POU2F1: variants seen among roughly 807,000 people sequenced by gnomAD.
POU2F1 encodes the protein POU domain, class 2, transcription factor 1.
A neutral mutation model predicts 84.9 loss-of-function variants in POU2F1; 16 were observed. The ratio of observed to expected loss-of-function variants is 0.19; its 90% CI spans 0.13 to 0.29. POU2F1 has a LOEUF of 0.29. Among genes scored for constraint, POU2F1 ranks in the 10% least tolerant of loss-of-function variants. POU2F1 has a pLI of 1.00. For missense variants in POU2F1, 738 were observed against 942.6 expected, an observed-to-expected ratio of 0.78 and a Z score of 2.84; for synonymous variants, 368 against 368.3, an observed-to-expected ratio of 1.00 and a Z score of 0.01.
chr1:167,353,569 T>G (rs867731888), intron 2 of POU2F1, among the ~76,000 whole-genome samples: 17 of 152,274 alleles, frequency 1.1e-4, no homozygotes, highest in Admixed American at 4.6e-4. Flanking sequence ...TCTGCCCCTT[T>G]GAATTATCAT....
At chr1:167,325,688 G>A (rs1480028216) in intron 1 of POU2F1, among the ~76,000 whole-genome samples, 13 of 151,984 alleles carry the variant, frequency 8.6e-5, no homozygotes, top group African/African-American at 2.2e-4. Context: ...TCAGGAGTTC[G>A]AGACCAGCCT....
Position 167,389,625 on chromosome 1 carries a change from T to C in POU2F1, c.851T>C (p.Ile284Thr). Residue 284 changes from isoleucine to threonine, a missense_variant, in exon 9 of 16, where the codon ATT (isoleucine) becomes ACT (threonine). Around this residue, in one of 4 missense-constraint regions of POU2F1, gnomAD observed 163 missense variants for 214.4 expected, o/e 0.76. Coordinates refer to ENST00000367866, the MANE Select transcript of POU2F1 (RefSeq NM_002697.4). Reference sequence around the variant, plus strand: ...ACACGCACAATAGCAGCAACCCCAATTCAGACACTTCCACAGAGCCAGTCA... The same window carrying C: ...ACACGCACAATAGCAGCAACCCCAACTCAGACACTTCCACAGAGCCAGTCA... The part of the protein sequence containing the change: ...TPTRTIAATP[I>T]QTLPQSQSTP... 7 of 1,614,178 alleles carry C rather than the reference T, an allele frequency of 4.3e-6. No homozygotes were observed. Among genetic ancestry groups the C allele is most frequent in the South Asian group, 2.2e-5 (2 of 91,076 alleles).
chr1:167,260,030 C>A (rs1651438031), intron 1 of POU2F1, among the ~76,000 whole-genome samples: 1 of 152,130 alleles, frequency 6.6e-6, no homozygotes, highest in Admixed American at 6.5e-5. Context: ...AGGCACCCGC[C>A]ACCACGCCCG....
intron 1 of POU2F1, among the ~76,000 whole-genome samples, chr1:167,295,862 T>G (rs1437276387): frequency 6.6e-6 from 1 of 152,168 alleles, no homozygotes; most frequent in Non-Finnish European, 1.5e-5. Flanking sequence ...TTGTTGTAAT[T>G]GCAGGATGAG....
intron 1 of POU2F1, among the ~76,000 whole-genome samples, chr1:167,288,706 A>C (rs1433071490): frequency 1.3e-5 from 2 of 152,184 alleles, no homozygotes; most frequent in Admixed American, 6.5e-5. Flanking sequence ...AACAACAAAA[A>C]AACAAAGATT....
intron 7 of POU2F1, among the ~76,000 whole-genome samples, chr1:167,377,464 GTAGTCCCAGCTAC>G (rs1398721714): frequency 7.2e-5 from 11 of 152,168 alleles, no homozygotes; most frequent in African/African-American, 2.7e-4. Flanking sequence ...GCAGGCGCCT[GTAGTCCCAGCTAC>G]TCAGGAGGCT....
At chr1:167,228,830 A>C (rs1010202012) in intron 1 of POU2F1, among the ~76,000 whole-genome samples, 1 of 152,220 alleles carries the variant, frequency 6.6e-6, no homozygotes, top group Non-Finnish European at 1.5e-5. Flanking sequence ...AAATAATATT[A>C]CCATAACCAT....
chr1:167,410,823 AC>A (rs1280611750), intron 13 of POU2F1, among the ~76,000 whole-genome samples: 1 of 152,112 alleles, frequency 6.6e-6, no homozygotes, highest in Non-Finnish European at 1.5e-5. Flanking sequence ...GCCTTGTCTT[AC>A]CATTTTCAGT....
intron 13 of POU2F1, among the ~76,000 whole-genome samples, chr1:167,403,218 A>G (rs889051749): frequency 1.1e-4 from 17 of 152,188 alleles, no homozygotes; most frequent in African/African-American, 4.1e-4. Flanking sequence ...AGGAAAAACA[A>G]TCACAAGTAC....
intron 1 of POU2F1, among the ~76,000 whole-genome samples, chr1:167,309,790 G>A (rs1435744083): frequency 6.6e-6 from 1 of 152,002 alleles, no homozygotes; most frequent in East Asian, 1.9e-4. Flanking sequence ...TACATTTAAG[G>A]TGTTAAAGAT....
At chr1:167,415,170 A>G (rs546692456) in intron 15 of POU2F1, among the ~76,000 whole-genome samples, 1 of 152,332 alleles carries the variant, frequency 6.6e-6, no homozygotes, top group South Asian at 2.1e-4. Context: ...AAATTATTGG[A>G]TTTATCAAAT....
chr1:167,322,237 T>C (rs1228956275), intron 1 of POU2F1, among the ~76,000 whole-genome samples: 1 of 152,232 alleles, frequency 6.6e-6, no homozygotes, highest in Non-Finnish European at 1.5e-5. Context: ...TCGTGTAGTT[T>C]CACTTTTCCC....
chr1:167,342,916 T>C (rs1020491053), intron 2 of POU2F1, among the ~76,000 whole-genome samples: 2 of 152,154 alleles, frequency 1.3e-5, no homozygotes, highest in African/African-American at 2.4e-5. Context: ...TTTTAATTAG[T>C]GGGTCATTGA....
Position 167,418,837 on chromosome 1 carries a change from G to A in POU2F1, c.*3027G>A, listed in dbSNP as rs2101960618. 1 of 152,284 alleles carries A rather than the reference G, an allele frequency of 6.6e-6. No homozygotes were observed. The highest frequency in any genetic ancestry group is 2.1e-4 in the South Asian group (1 of 4,826). The allele number at this position is 152,284 out of a possible 1,614,324, so 9.4% of individuals were successfully genotyped here. Reference sequence around the variant, plus strand: ...TAAGGGGATTTTATGTGAAGCACTTGATGAGGGTAGACCAGCATAAAAAAT... The same window carrying A: ...TAAGGGGATTTTATGTGAAGCACTTAATGAGGGTAGACCAGCATAAAAAAT... On this transcript the variant is annotated 3_prime_UTR_variant, in exon 16 of 16. Transcript: ENST00000367866.
At chr1:167,381,500 T>A (rs1016079151) in intron 7 of POU2F1, among the ~76,000 whole-genome samples, 4 of 152,208 alleles carry the variant, frequency 2.6e-5, no homozygotes, top group African/African-American at 9.7e-5. Context: ...CTTTTGTCTC[T>A]TACAGATTAA....
chr1:167,311,045 G>A (rs1448927120), intron 1 of POU2F1, among the ~76,000 whole-genome samples: 1 of 152,130 alleles, frequency 6.6e-6, no homozygotes, highest in East Asian at 1.9e-4. Context: ...AGGAGAAAGA[G>A]GGTAGGGCTG....
intron 1 of POU2F1, among the ~76,000 whole-genome samples, chr1:167,306,394 G>A (rs980723507): frequency 3.9e-5 from 6 of 151,994 alleles, no homozygotes; most frequent in East Asian, 1.9e-4. Context: ...CAAGAGCATC[G>A]CTTAAAATTT....
intron 1 of POU2F1, among the ~76,000 whole-genome samples, chr1:167,273,393 C>T (rs905744944): frequency 6.6e-6 from 1 of 152,208 alleles, no homozygotes; most frequent in African/African-American, 2.4e-5. Flanking sequence ...GCTCCAACCC[C>T]ACTCCCCTCT....
At chr1:167,340,078 G>A (rs993697375) in intron 2 of POU2F1, among the ~76,000 whole-genome samples, 1 of 152,142 alleles carries the variant, frequency 6.6e-6, no homozygotes, top group Non-Finnish European at 1.5e-5. Context: ...ATAAAGGGGA[G>A]CAGAACCATT....
Sources: gnomAD v4.1 joint callset for allele counts (sites outside exome capture counted in the v4.1 genomes callset) on GRCh38, gnomAD v4.1.1 for gene constraint, gnomAD v4.1.1 regional missense constraint, MANE v1.5 for transcripts, NCBI Gene and HGNC (gene_info 2026-07-23, HGNC 2026-07-21) for gene names.